Variants in CSMD1 observed in about 807,000 individuals in gnomAD.
CSMD1 encodes the protein CUB and Sushi multiple domains 1.
In CSMD1, 213 loss-of-function variants were observed where a neutral mutation model predicts 417.5. The observed-to-expected ratio is 0.51, with a 90% CI of 0.46 to 0.57. The LOEUF is 0.57. Among genes scored for constraint, CSMD1 ranks in the 20% least tolerant of loss-of-function variants. CSMD1 has a pLI of 0.00. For synonymous variants in CSMD1, 2,862 were observed against 1,736.8 expected (o/e 1.65, Z -16.11); for missense variants, 6,923 against 4,529.7 (o/e 1.53, Z -15.17).
chr8:4,309,840 CT>C (rs1179035332), intron 3 of CSMD1, among the ~76,000 whole-genome samples: 29 of 152,134 alleles, frequency 1.9e-4, no homozygotes, highest in Non-Finnish European at 1.5e-5. Flanking sequence ...ATATAGCTGT[CT>C]GAGTATTTTC....
chr8:3,254,306 C>G (rs553985726), intron 26 of CSMD1, among the ~76,000 whole-genome samples: 114 of 152,268 alleles, frequency 7.5e-4, no homozygotes, highest in African/African-American at 2.6e-3. Flanking sequence ...CTGCCCTTAA[C>G]ATTTTTTCCT....
intron 3 of CSMD1, among the ~76,000 whole-genome samples, chr8:4,285,549 TG>T (rs1199432738): frequency 8.5e-5 from 13 of 152,310 alleles, no homozygotes; most frequent in South Asian, 8.3e-4. Context: ...TTTCTCTCCA[TG>T]GATGAGGGCA....
At position 3,941,793 on chromosome 8, in the gene CSMD1, TG is replaced by T. The variant is rs151208194; in HGVS notation, c.818+56109del. Among the ~76,000 whole-genome samples, 489 of 152,294 alleles carry T rather than the reference TG, an allele frequency of 3.2e-3. 3 individuals carry two copies. Among genetic ancestry groups the T allele is most frequent in the African/African-American group, 0.011 (460 of 41,560 alleles). On this transcript the variant is annotated intron_variant, in intron 5 of 69. Transcript: ENST00000635120. ...AATTCTTTGATTCCAATTTTTCCTCTGTTCCCTCATACGCAAGGAAAAATAA... is the reference window on the plus strand; with the variant it reads ...AATTCTTTGATTCCAATTTTTCCTCTTTCCCTCATACGCAAGGAAAAATAA...
intron 3 of CSMD1, among the ~76,000 whole-genome samples, chr8:4,328,420 A>G (rs935262632): frequency 1.4e-4 from 21 of 151,886 alleles, no homozygotes; most frequent in African/African-American, 5.1e-4. Flanking sequence ...GAGTAGTTTT[A>G]ATTTCTTAAT....
chr8:4,069,396 G>A (rs925145372), intron 3 of CSMD1, among the ~76,000 whole-genome samples: 1 of 152,114 alleles, frequency 6.6e-6, no homozygotes, highest in South Asian at 2.1e-4. Context: ...TCTGTTTTCT[G>A]AGTTTTCCGA....
intron 10 of CSMD1, among the ~76,000 whole-genome samples, chr8:3,539,110 C>A (rs993167186): frequency 6.6e-6 from 1 of 152,182 alleles, no homozygotes; most frequent in Non-Finnish European, 1.5e-5. Flanking sequence ...TTTCCCTGCA[C>A]CCGCGGATAG....
rs141066346 is a variant in CSMD1 at position 4,782,536 on chromosome 8, C to T, written c.86-144978G>A. ...TATCCATAGCAAAACCATAAATATG[C>T]TCTAAGACATTTTAGTTTTGTGCCA... is the stretch of plus-strand genomic sequence containing the variant. On this transcript the variant is annotated intron_variant, in intron 1 of 69. Coordinates refer to ENST00000635120, the MANE Select transcript of CSMD1 (RefSeq NM_033225.6). Among the ~76,000 whole-genome samples, 352 of 152,220 alleles carry T rather than the reference C, an allele frequency of 2.3e-3. 1 individual carries two copies. Among genetic ancestry groups the T allele is most frequent in the Non-Finnish European group, 4.3e-3 (293 of 68,010 alleles).
intron 3 of CSMD1, among the ~76,000 whole-genome samples, chr8:4,263,926 T>A (rs991012373): frequency 5.9e-5 from 9 of 152,152 alleles, no homozygotes; most frequent in African/African-American, 1.9e-4. Flanking sequence ...CTAAATACAG[T>A]GTTTTTCTAT....
intron 2 of CSMD1, among the ~76,000 whole-genome samples, chr8:4,516,207 AC>A (rs1803113957): frequency 6.6e-6 from 1 of 152,164 alleles, no homozygotes; most frequent in African/African-American, 2.4e-5. Flanking sequence ...ACCCAGACAC[AC>A]ACAGAGGGAA....
chr8:4,882,434 G>A (rs952662182), intron 1 of CSMD1, among the ~76,000 whole-genome samples: 1 of 151,644 alleles, frequency 6.6e-6, no homozygotes, highest in Admixed American at 6.6e-5. Flanking sequence ...TCAAATTCCG[G>A]AGGGAATTTG....
chr8:3,562,618 T>A (rs915908084), intron 10 of CSMD1, among the ~76,000 whole-genome samples: 1 of 152,020 alleles, frequency 6.6e-6, no homozygotes, highest in Non-Finnish European at 1.5e-5. Flanking sequence ...TTCTAGAAAT[T>A]TTTCTGAAGG....
intron 5 of CSMD1, among the ~76,000 whole-genome samples, chr8:3,832,311 G>A (rs1039785711): frequency 5.9e-5 from 9 of 152,082 alleles, no homozygotes; most frequent in Admixed American, 2.0e-4. Context: ...CCGTTAAAAC[G>A]CAATGATGTT....
At chr8:3,663,603 A>G (rs529195318) in intron 7 of CSMD1, among the ~76,000 whole-genome samples, 108 of 152,284 alleles carry the variant, frequency 7.1e-4, no homozygotes, top group African/African-American at 2.4e-3. Flanking sequence ...AGATAAACCC[A>G]TATCTGATTG....
intron 3 of CSMD1, among the ~76,000 whole-genome samples, chr8:4,366,203 C>G (rs139185409): frequency 9.7e-4 from 147 of 152,074 alleles, no homozygotes; most frequent in Non-Finnish European, 1.7e-3. Context: ...CATTGCTTCA[C>G]TTAGGATAAT....
chr8:4,606,373 T>A (rs1008698332), intron 2 of CSMD1, among the ~76,000 whole-genome samples: 22 of 152,038 alleles, frequency 1.4e-4, no homozygotes, highest in African/African-American at 4.6e-4. Flanking sequence ...AAAAAAGAGT[T>A]CTTTCTGTGC....
intron 50 of CSMD1, among the ~76,000 whole-genome samples, chr8:3,041,329 C>T (rs1046785371): frequency 2.6e-5 from 4 of 152,026 alleles, no homozygotes; most frequent in African/African-American, 7.2e-5. Flanking sequence ...TAATATAGAA[C>T]AAGCAAATTC....
At chr8:3,388,854 G>A (rs1383584334) in intron 17 of CSMD1, among the ~76,000 whole-genome samples, 1 of 151,210 alleles carries the variant, frequency 6.6e-6, no homozygotes, top group Non-Finnish European at 1.5e-5. Context: ...CCTACCACCT[G>A]CTCCTCCCTC....
intron 1 of CSMD1, among the ~76,000 whole-genome samples, chr8:4,958,594 T>G (rs1244152881): frequency 6.6e-6 from 1 of 152,214 alleles, no homozygotes; most frequent in Non-Finnish European, 1.5e-5. Context: ...CAAGGCAGTG[T>G]TCTGAGTTCT....
chr8:4,890,144 C>T (rs2116996236), intron 1 of CSMD1, among the ~76,000 whole-genome samples: 1 of 152,190 alleles, frequency 6.6e-6, no homozygotes, highest in South Asian at 2.1e-4. Context: ...ATCCCATTTT[C>T]CCCTTAATTT....
Sources: allele counts gnomAD v4.1 joint callset (sites outside exome capture counted in the v4.1 genomes callset), GRCh38; gene constraint gnomAD v4.1.1; transcripts MANE v1.5; gene names NCBI Gene and HGNC (gene_info 2026-07-23, HGNC 2026-07-21).